MYO18A: variants seen among roughly 807,000 people sequenced by gnomAD.
The protein encoded by MYO18A is unconventional myosin-XVIIIa.
Under a neutral mutation model 235.8 loss-of-function variants are expected in MYO18A, and 78 were observed. The observed-to-expected ratio is 0.33, with a 90% confidence interval of 0.28 to 0.40. The LOEUF (loss-of-function observed/expected upper bound fraction) is 0.40, where lower values mean the gene tolerates loss of function less well. Among genes scored for constraint, MYO18A ranks in the 10% least tolerant of loss-of-function variants. The probability of loss-of-function intolerance (pLI) is 1.00; values close to 1 mark genes in which losing one functional copy is unlikely to be tolerated. For missense variants in MYO18A, 2,215 were observed against 2,699.3 expected (o/e 0.82, Z 3.98); for synonymous variants, 977 against 1,077.8 (o/e 0.91, Z 1.83).
intron 1 of MYO18A, among the ~76,000 whole-genome samples, chr17:29,178,531 C>T (rs2068582941): frequency 1.3e-5 from 2 of 152,012 alleles, no homozygotes; most frequent in Non-Finnish European, 2.9e-5. Flanking sequence ...ACAAGCACAC[C>T]TCCACCCGAG....
intron 37 of MYO18A, among the ~76,000 whole-genome samples, chr17:29,087,999 G>A (rs2066297341): frequency 6.6e-6 from 1 of 151,936 alleles, no homozygotes; most frequent in Admixed American, 6.5e-5. Context: ...ATGTAAAATG[G>A]GGATCAAAAT....
intron 41 of MYO18A, among the ~76,000 whole-genome samples, chr17:29,079,215 C>T (rs2066057104): frequency 6.6e-6 from 1 of 152,178 alleles, no homozygotes; most frequent in South Asian, 2.1e-4. Flanking sequence ...TGCTGCTGGG[C>T]ACACACAGTA....
chr17:29,092,601 G>A (rs151253602), intron 33 of MYO18A, 145 bp from the exon 34 acceptor site: 1 of 804,416 alleles, frequency 1.2e-6, no homozygotes. Context: ...GTGTGGTGGT[G>A]CACGCGTGGG....
At chr17:29,090,997 G>GCCCCT in intron 34 of MYO18A, 71 bp from the exon 35 acceptor site, 1 of 1,230,736 alleles carries the variant, frequency 8.1e-7, no homozygotes, top group Non-Finnish European at 1.2e-6. Flanking sequence ...TGCCTCCAAT[G>GCCCCT]GCAGGGGCAT....
intron 23 of MYO18A, 108 bp from the exon 24 acceptor site, chr17:29,098,553 G>T: frequency 7.6e-7 from 1 of 1,318,674 alleles, no homozygotes; most frequent in Non-Finnish European, 1.1e-6. Context: ...GGGCCAGGAC[G>T]CCATGGGGAA....
chr17:29,074,799 C>G lies in MYO18A; in HGVS notation c.6136G>C (p.Glu2046Gln), dbSNP rs1568029689. 6.2e-7 allele frequency: 1 copy of G among 1,613,970 alleles called. No homozygotes were observed. Among genetic ancestry groups the G allele is most frequent in the South Asian group, 1.1e-5 (1 of 91,076 alleles). The part of the protein sequence containing the change: ...SHSYLSDSDT[E>Q]AKLTETNA ...GCGTTAGTCTCCGTCAGCTTGGCCT[C>G]TGTGTCGCTGTCACTCAGATAACTG... The change falls in exon 42 of 42, where the codon GAG becomes CAG. Residue 2046 changes from glutamate to glutamine, a missense_variant. Physicochemically the swap from Glu to Gln is conservative, Grantham distance 29. Transcript: ENST00000527372. The surrounding 1 kb of genome is among the most constrained non-coding windows in gnomAD (Gnocchi z 4.4).
At chr17:29,080,007 G>C in intron 41 of MYO18A, 1 of 986,130 alleles carries the variant, frequency 1.0e-6, no homozygotes, top group Non-Finnish European at 1.2e-6. Flanking sequence ...TGTGCTCTGA[G>C]GAAGCTTCGG....
In MYO18A at chr17:29,167,134, C is replaced by T; in HGVS notation, c.-81-113G>A. 3 of 698,274 alleles carry T rather than the reference C, an allele frequency of 4.3e-6. No homozygotes were observed. The Admixed American group carries it at 9.5e-5, about 22-fold the overall frequency. 43.3% of individuals were successfully genotyped at this position (698,274 alleles called of 1,614,324 possible). A position where few individuals can be genotyped will look rare whatever the true frequency, so the allele number is the denominator to read the frequency against. On this transcript the variant is annotated intron_variant, in intron 1 of 41. Transcript: ENST00000527372. ...TCCTCACTGGGTGCTAGCTATGTGC[C>T]AGGCACTCTGCCTTACCCAATATTG...
At chr17:29,088,200 G>A (rs1194916621) in intron 37 of MYO18A, among the ~76,000 whole-genome samples, 2 of 151,524 alleles carry the variant, frequency 1.3e-5, no homozygotes, top group Admixed American at 1.3e-4. Flanking sequence ...GACTACAGGC[G>A]CCCGCCACCA....
chr17:29,124,130 T>C (rs1224213945), intron 2 of MYO18A, among the ~76,000 whole-genome samples: 2 of 152,184 alleles, frequency 1.3e-5, no homozygotes, highest in East Asian at 3.8e-4. Context: ...TTATGTTGAA[T>C]AGACACCTTC....
At chr17:29,161,616 T>C (rs2068176565) in intron 2 of MYO18A, among the ~76,000 whole-genome samples, 1 of 152,120 alleles carries the variant, frequency 6.6e-6, no homozygotes, top group South Asian at 2.1e-4. Context: ...TGGGTGGGCT[T>C]TTCTGAGCTC....
In MYO18A at chr17:29,085,662, GA is replaced by G; in HGVS notation, c.5853-15del. ...ATGTCCTGCAAACTGGAAATAGAAG[GA>G]AAATGGTGGGCAAGGGGTCCAGAGG... On this transcript the variant is annotated splice_polypyrimidine_tract_variant and intron_variant, in intron 39 of 41. Coordinates refer to ENST00000527372, the MANE Select transcript of MYO18A (RefSeq NM_078471.4). 2 of 1,613,992 alleles carry G rather than the reference GA, an allele frequency of 1.2e-6. No homozygotes were observed. The highest frequency in any genetic ancestry group is 1.7e-6 in the Non-Finnish European group (2 of 1,179,820).
At chr17:29,085,111 C>T (rs1406170287) in intron 40 of MYO18A, among the ~76,000 whole-genome samples, 2 of 152,192 alleles carry the variant, frequency 1.3e-5, no homozygotes, top group Non-Finnish European at 2.9e-5. Context: ...TGGGAGATGC[C>T]CCTCACCTTC....
Position 29,094,142 on chromosome 17 carries a change from C to G in MYO18A, c.4711-52G>C, listed in dbSNP as rs1598290361. On this transcript the variant is annotated intron_variant, in intron 30 of 41. Coordinates refer to ENST00000527372, the MANE Select transcript of MYO18A (RefSeq NM_078471.4). Reference sequence around the variant, plus strand: ...GTTCCCTCCCCAGCTGTGGCCACCCCCTTCCCACCTGTGCATGGCTCTCCC... The same window carrying G: ...GTTCCCTCCCCAGCTGTGGCCACCCGCTTCCCACCTGTGCATGGCTCTCCC... 1.3e-5 allele frequency: 18 copies of G among 1,349,446 alleles called. No homozygotes were observed. The Middle Eastern group carries it at 5.3e-4, about 40-fold the overall frequency. The allele number at this position is 1,349,446 out of a possible 1,614,324, so 83.6% of individuals were successfully genotyped here.
Position 29,111,289 on chromosome 17 carries a change from G to A in MYO18A, c.2900+135C>T. 2 of 1,023,334 alleles carry A rather than the reference G, an allele frequency of 2.0e-6. No individual in the cohort carries two copies. The highest frequency in any genetic ancestry group is 2.8e-6 in the Non-Finnish European group (2 of 704,612). The allele number at this position is 1,023,334 out of a possible 1,614,324, so 63.4% of individuals were successfully genotyped here. A position where few individuals can be genotyped will look rare whatever the true frequency, so the allele number is the denominator to read the frequency against. On this transcript the variant is annotated intron_variant, in intron 17 of 41. Coordinates refer to ENST00000527372, the MANE Select transcript of MYO18A (RefSeq NM_078471.4). This position sits in a 1 kb window ranked among gnomAD's most constrained non-coding sequence, Gnocchi z 5.1. ...AAGCTCCTCAAGGCCAAGTGCCCTG[G>A]GCTGTTGCCTCTCAGGAATAAAGGC... is the stretch of plus-strand genomic sequence containing the variant.
At chr17:29,168,630 A>G (rs556213559) in intron 1 of MYO18A, among the ~76,000 whole-genome samples, 1 of 152,194 alleles carries the variant, frequency 6.6e-6, no homozygotes, top group Non-Finnish European at 1.5e-5. Flanking sequence ...TCCCCAGTCT[A>G]CTGAGAGGGA....
intron 2 of MYO18A, among the ~76,000 whole-genome samples, chr17:29,127,503 T>G (rs969843954): frequency 6.6e-6 from 1 of 152,212 alleles, no homozygotes; most frequent in Non-Finnish European, 1.5e-5. Flanking sequence ...GAAAACAGTC[T>G]TTCCTCCTGG....
intron 2 of MYO18A, chr17:29,133,823 G>C: frequency 7.8e-7 from 1 of 1,289,382 alleles, no homozygotes; most frequent in Non-Finnish European, 1.0e-6. Flanking sequence ...GGCGAACCTT[G>C]ATGAAAAGGC....
rs907418624 is a variant in MYO18A, at chr17:29,074,359, C to T, written c.*411G>A. ...ACCCCACACGAGAGGGAAGGCACTG[C>T]TTCTCCTCCCCCAATCCTCCCCATG... On this transcript the variant is annotated 3_prime_UTR_variant, in exon 42 of 42. Coordinates refer to ENST00000527372, the MANE Select transcript of MYO18A (RefSeq NM_078471.4). This position sits in a 1 kb window ranked among gnomAD's most constrained non-coding sequence, Gnocchi z 4.4. 1.4e-6 allele frequency: 1 copy of T among 704,414 alleles called. No individual in the cohort carries two copies. The allele number at this position is 704,414 out of a possible 1,614,324, so 43.6% of individuals were successfully genotyped here.
Sources: gnomAD v4.1 joint callset for allele counts (sites outside exome capture counted in the v4.1 genomes callset) on GRCh38, gnomAD v4.1.1 for gene constraint, Gnocchi (gnomAD v3.1) non-coding constraint, MANE v1.5 for transcripts, NCBI Gene and HGNC (gene_info 2026-07-23, HGNC 2026-07-21) for gene names.